Variants in RGS6 observed in about 807,000 individuals in gnomAD.
RGS6 encodes regulator of G-protein signaling 6.
Under a neutral mutation model 78.5 loss-of-function variants are expected in RGS6, and 30 were observed. That is an observed-to-expected ratio of 0.38 (90% CI 0.29 to 0.52). The LOEUF (loss-of-function observed/expected upper bound fraction) is 0.52. Among genes scored for constraint, RGS6 ranks in the 20% least tolerant of loss-of-function variants. RGS6 has a pLI of 0.85. For missense variants in RGS6, 495 were observed against 609.7 expected, an observed-to-expected ratio of 0.81 and a Z score of 1.98; for synonymous variants, 206 against 206.0, an observed-to-expected ratio of 1.00 and a Z score of 0.00.
intron 11 of RGS6, chr14:72,477,148 G>T (rs546251623): frequency 3.1e-5 from 10 of 325,806 alleles, no homozygotes; most frequent in Non-Finnish European, 4.6e-5. Flanking sequence ...GAAGGAGGGG[G>T]CTCATGTCAC....
the RGS6 span, among the ~76,000 whole-genome samples, chr14:72,602,524 G>T: frequency 1.3e-5 from 2 of 152,176 alleles, no homozygotes; most frequent in Non-Finnish European, 2.9e-5. Flanking sequence ...TCTCTCAAGG[G>T]TTCTCAGGCC....
intron 3 of RGS6, among the ~76,000 whole-genome samples, chr14:72,379,651 A>G (rs981943272): frequency 6.6e-6 from 1 of 152,156 alleles, no homozygotes; most frequent in Non-Finnish European, 1.5e-5. Context: ...GGAAAACTAC[A>G]AAACACTGAT....
intron 3 of RGS6, among the ~76,000 whole-genome samples, chr14:72,400,087 C>G (rs2092171931): frequency 6.6e-6 from 1 of 152,150 alleles, no homozygotes; most frequent in Non-Finnish European, 1.5e-5. Flanking sequence ...ACATCATTGT[C>G]TGATTCACCG....
At chr14:71,950,311 C>G (rs1372321210) in intron 1 of RGS6, among the ~76,000 whole-genome samples, 1 of 152,080 alleles carries the variant, frequency 6.6e-6, no homozygotes, top group Non-Finnish European at 1.5e-5. Flanking sequence ...ACAGACATGA[C>G]AAAAACAAGC....
At chr14:72,629,832 G>A in the RGS6 span, 1 of 1,031,094 alleles carries the variant, frequency 9.7e-7, no homozygotes, top group South Asian at 1.4e-5. Flanking sequence ...CAGTGTGCAG[G>A]CAGGGCAGGG....
At chr14:72,393,904 G>T (rs1029208110) in intron 3 of RGS6, among the ~76,000 whole-genome samples, 1 of 152,298 alleles carries the variant, frequency 6.6e-6, no homozygotes, top group East Asian at 1.9e-4. Flanking sequence ...ATAATTAGGT[G>T]TCTTAAAAAT....
intron 2 of RGS6, among the ~76,000 whole-genome samples, chr14:71,989,070 C>T (rs1180972121): frequency 6.6e-6 from 1 of 152,242 alleles, no homozygotes; most frequent in East Asian, 1.9e-4. Context: ...CTACCTCCAT[C>T]TCAGATGCAA....
At chr14:72,596,462 G>A in the RGS6 span, among the ~76,000 whole-genome samples, 7 of 152,200 alleles carry the variant, frequency 4.6e-5, no homozygotes, top group East Asian at 1.9e-4. Context: ...AACATCACAC[G>A]TTCTGAGGAT....
Position 72,532,369 on chromosome 14 carries a change from C to T in RGS6, c.1279-3817C>T, listed in dbSNP as rs1031401418. Among the ~76,000 whole-genome samples the T allele has an allele frequency of 2.6e-4, 39 of 152,280 alleles. 1 individual carries two copies. Among genetic ancestry groups the T allele is most frequent in the Admixed American group, 3.9e-4 (6 of 15,296 alleles). The stretch of plus-strand genomic sequence containing the variant: ...TTTCTGACTCCTCTACCAAATCAGC[C>T]ATTCCCCCATCTCTTTCCCTCTCCT... On this transcript the variant is annotated intron_variant, in intron 15 of 17. Coordinates refer to ENST00000553525, the MANE Select transcript of RGS6 (RefSeq NM_001204424.2).
chr14:72,494,484 AAAT>A (rs1374856535), intron 12 of RGS6, among the ~76,000 whole-genome samples: 1 of 152,258 alleles, frequency 6.6e-6, no homozygotes, highest in South Asian at 2.1e-4. Context: ...TGGGAGGAAA[AAAT>A]AATTGCTTTT....
chr14:72,106,543 C>A (rs1435372665), intron 2 of RGS6, among the ~76,000 whole-genome samples: 1 of 152,170 alleles, frequency 6.6e-6, no homozygotes, highest in Non-Finnish European at 1.5e-5. Context: ...TCCATGTGTC[C>A]CTTCCCAGCC....
chr14:72,317,347 T>C (rs2152493651), intron 2 of RGS6, among the ~76,000 whole-genome samples: 1 of 152,290 alleles, frequency 6.6e-6, no homozygotes, highest in African/African-American at 2.4e-5. Flanking sequence ...TAATTTTCTG[T>C]CTAGATTCAT....
chr14:72,470,709 G>A (rs1328563045), intron 8 of RGS6, among the ~76,000 whole-genome samples: 1 of 151,888 alleles, frequency 6.6e-6, no homozygotes, highest in Non-Finnish European at 1.5e-5. Context: ...GTGAAACCCC[G>A]TCTCTACTAA....
chr14:71,917,183 A>C, the RGS6 span, among the ~76,000 whole-genome samples: 1 of 152,148 alleles, frequency 6.6e-6, no homozygotes, highest in Non-Finnish European at 1.5e-5. Flanking sequence ...TAGTATTGGC[A>C]ATGATCTTAG....
chr14:71,913,679 T>C, the RGS6 span, among the ~76,000 whole-genome samples: 6 of 152,348 alleles, frequency 3.9e-5, no homozygotes, highest in South Asian at 1.2e-3. Context: ...AACAATTTTT[T>C]ATTGCTGACA....
intron 2 of RGS6, among the ~76,000 whole-genome samples, chr14:71,988,961 T>A (rs2094839795): frequency 6.6e-6 from 1 of 152,252 alleles, no homozygotes; most frequent in South Asian, 2.1e-4. Flanking sequence ...GAGATTTTTG[T>A]TTGTTTTTTT....
intron 2 of RGS6, among the ~76,000 whole-genome samples, chr14:72,239,553 T>C (rs916378591): frequency 6.6e-6 from 1 of 152,204 alleles, no homozygotes; most frequent in Non-Finnish European, 1.5e-5. Context: ...AGCCTTCTCC[T>C]GCCCCGCTCA....
chr14:71,950,577 A>T (rs2092193582), intron 1 of RGS6, among the ~76,000 whole-genome samples: 1 of 152,118 alleles, frequency 6.6e-6, no homozygotes. Context: ...GAAATGAGAT[A>T]TAATTAAGGA....
rs1413669874 is a variant in RGS6 at position 71,932,913 on chromosome 14, A to T, written c.-49A>T. 6.6e-6 allele frequency: 1 copy of T among 152,270 alleles called. No homozygotes were observed. Among genetic ancestry groups the T allele is most frequent in the Non-Finnish European group, 1.5e-5 (1 of 68,078 alleles). The allele number at this position is 152,270 out of a possible 1,614,324, so 9.4% of individuals were successfully genotyped here. On this transcript the variant is annotated 5_prime_UTR_variant, in exon 1 of 18. Coordinates refer to ENST00000553525, the MANE Select transcript of RGS6 (RefSeq NM_001204424.2). ...TAGGAAAAATTCTGGAGCCAGAGGGAGAGTCAAGGCAATTCTTTGGTTGCT... is the reference window on the plus strand; with the variant it reads ...TAGGAAAAATTCTGGAGCCAGAGGGTGAGTCAAGGCAATTCTTTGGTTGCT...
Sources: gnomAD v4.1 joint callset for allele counts (sites outside exome capture counted in the v4.1 genomes callset) on GRCh38, gnomAD v4.1.1 for gene constraint, MANE v1.5 for transcripts, NCBI Gene and HGNC (gene_info 2026-07-23, HGNC 2026-07-21) for gene names.